The following MMEL1 variants were observed in gnomAD, a reference collection of about 807,000 sequenced individuals.
The protein encoded by MMEL1 is membrane metallo-endopeptidase-like 1.
A neutral mutation model predicts 117.1 loss-of-function variants in MMEL1; 98 were observed. That is an observed-to-expected ratio of 0.84 (90% CI 0.71 to 0.99). MMEL1 has a LOEUF of 0.99. Ranked by LOEUF, MMEL1 falls within the 50% of genes least tolerant of loss-of-function variation. The pLI is 0.00. For missense variants in MMEL1, 1,014 were observed against 1,049.1 expected, an observed-to-expected ratio of 0.97 and a Z score of 0.46; for synonymous variants, 390 against 415.1, an observed-to-expected ratio of 0.94 and a Z score of 0.74.
chr1:2,630,412 T>G (rs1408775322), intron 1 of MMEL1, among the ~76,000 whole-genome samples: 1 of 152,206 alleles, frequency 6.6e-6, no homozygotes, highest in Non-Finnish European at 1.5e-5. Flanking sequence ...GCACATGTTC[T>G]GGTGTGTGCA....
chr1:2,617,188 G>A (rs933815125), intron 2 of MMEL1, among the ~76,000 whole-genome samples: 5 of 152,080 alleles, frequency 3.3e-5, no homozygotes, highest in Admixed American at 6.5e-5. Flanking sequence ...AGCACTTTGG[G>A]AGGCCGAGGC....
Position 2,594,373 on chromosome 1 carries a change from G to A in MMEL1, c.1747+12C>T, listed in dbSNP as rs2100928419. 6.4e-7 allele frequency: 1 copy of A among 1,551,786 alleles called. No individual in the cohort carries two copies. Among genetic ancestry groups the A allele is most frequent in the Non-Finnish European group, 8.7e-7 (1 of 1,146,928 alleles). On this transcript the variant is annotated intron_variant, in intron 18 of 23. Coordinates refer to ENST00000378412, the MANE Select transcript of MMEL1 (RefSeq NM_033467.4). ...AAAGGGCCTGGGCAGGCAGGGAGGG[G>A]GAGGAACTTACCAATCTGGTTTCGG...
At chr1:2,609,581 CAG>C (rs1245793131) in intron 5 of MMEL1, 87 bp downstream of exon 5, 22 of 1,547,050 alleles carry the variant, frequency 1.4e-5, no homozygotes, top group Middle Eastern at 1.8e-4. Context: ...GAAGCACAAA[CAG>C]GGGCGAGACA....
Position 2,591,159 on chromosome 1 carries a change from G to A in MMEL1, c.2241-70C>T, listed in dbSNP as rs967412356. The A allele has an allele frequency of 2.7e-4, 312 of 1,160,560 alleles. 4 individuals are homozygous for A. Among genetic ancestry groups the A allele is most frequent in the African/African-American group, 9.3e-5 (6 of 64,658 alleles). 71.9% of individuals were successfully genotyped at this position (1,160,560 alleles called of 1,614,324 possible). A position where few individuals can be genotyped will look rare whatever the true frequency, so the allele number is the denominator to read the frequency against. On this transcript the variant is annotated intron_variant, in intron 23 of 23. Coordinates refer to ENST00000378412, the MANE Select transcript of MMEL1 (RefSeq NM_033467.4). ...CAAACATGGCCATTTTAAGTTCTCC[G>A]TGATTAAAAACCAGCCCAAAACATC...
At chr1:2,626,341 G>A (rs957380358) in intron 2 of MMEL1, among the ~76,000 whole-genome samples, 2 of 152,182 alleles carry the variant, frequency 1.3e-5, no homozygotes, top group African/African-American at 4.8e-5. Flanking sequence ...TAAACTGTAC[G>A]ATAAAGAGAG....
chr1:2,613,245 G>A (rs927440705), intron 2 of MMEL1, among the ~76,000 whole-genome samples: 2 of 152,190 alleles, frequency 1.3e-5, no homozygotes, highest in African/African-American at 4.8e-5. Flanking sequence ...GCAAGGCTGA[G>A]CTTCAGAGCA....
rs893304108 is a variant in MMEL1 at position 2,612,673 on chromosome 1, G to A, written c.155-469C>T. ...GGGTGGCTTCCCACTAATGACCCTTGTCCCTAGCCCCTCCACCCTCACTGC... is the reference window on the plus strand; with the variant it reads ...GGGTGGCTTCCCACTAATGACCCTTATCCCTAGCCCCTCCACCCTCACTGC... On this transcript the variant is annotated intron_variant, in intron 2 of 23. Transcript: ENST00000378412. This position sits in a 1 kb window ranked among gnomAD's most constrained non-coding sequence, Gnocchi z 5.4. Among the ~76,000 whole-genome samples the A allele has an allele frequency of 6.6e-5, 10 of 151,954 alleles. No individual in the cohort carries two copies. The highest frequency in any genetic ancestry group is 1.3e-4 in the Non-Finnish European group (9 of 67,978).
Position 2,595,346 on chromosome 1 carries a change from C to G in MMEL1, c.1514G>C (p.Arg505Pro), listed in dbSNP as rs778548985. The G allele has an allele frequency of 1.9e-6, 3 of 1,613,768 alleles. No homozygotes were observed. Among genetic ancestry groups the G allele is most frequent in the African/African-American group, 2.7e-5 (2 of 74,928 alleles). Reference sequence around the variant, plus strand: ...GTAGTCAGGGTGCCCGATCTGCTCCCGGATGCTCATGGCCTGAGTGGGGAG... The same window carrying G: ...GTAGTCAGGGTGCCCGATCTGCTCCGGGATGCTCATGGCCTGAGTGGGGAG... The part of the protein sequence containing the change: ...KKAQEKAMSI[R>P]EQIGHPDYIL... Residue 505 changes from arginine to proline, a missense_variant, in exon 16 of 24, where the codon CGG (arginine) becomes CCG (proline). Coordinates refer to ENST00000378412, the MANE Select transcript of MMEL1 (RefSeq NM_033467.4). The surrounding 1 kb of genome is among the most constrained non-coding windows in gnomAD (Gnocchi z 4.8).
At chr1:2,629,214 C>G in intron 2 of MMEL1, 117 bp downstream of exon 2, 1 of 1,187,788 alleles carries the variant, frequency 8.4e-7, no homozygotes, top group African/African-American at 1.6e-5. Context: ...GCAGACCCAC[C>G]TGCCCCATCT....
At chr1:2,611,397 G>A (rs771709919) in intron 3 of MMEL1, 57 bp from the exon 4 acceptor site, 237 of 1,388,380 alleles carry the variant, frequency 1.7e-4, no homozygotes, top group Non-Finnish European at 2.1e-4. Context: ...GGGCAGGACT[G>A]GAGTGGGTGT....
At chr1:2,608,837 TACACA>T (rs1421975711) in intron 6 of MMEL1, among the ~76,000 whole-genome samples, 6 of 152,020 alleles carry the variant, frequency 3.9e-5, no homozygotes, top group African/African-American at 7.3e-5. Context: ...CATACATGCA[TACACA>T]ACACATGTAC....
rs568387850 is a variant in MMEL1, at chr1:2,611,372, G to A, written c.233-32C>T. On this transcript the variant is annotated intron_variant, in intron 3 of 23. Coordinates refer to ENST00000378412, the MANE Select transcript of MMEL1 (RefSeq NM_033467.4). ...GCAAGGAGCAGCCTGAGCACCGGGA[G>A]CCACGGAGAGGGTGGGGCAGGACTG... The A allele has an allele frequency of 3.5e-6, 5 of 1,427,860 alleles. No homozygotes were observed. In the East Asian group the frequency reaches 1.2e-4, roughly 35 times the overall value. The allele number at this position is 1,427,860 out of a possible 1,614,324, so 88.4% of individuals were successfully genotyped here. A position where few individuals can be genotyped will look rare whatever the true frequency, so the allele number is the denominator to read the frequency against.
chr1:2,591,124 C>A (rs769787364), intron 23 of MMEL1, 35 bp from the exon 24 acceptor site: 5 of 1,443,526 alleles, frequency 3.5e-6, no homozygotes, highest in Non-Finnish European at 4.7e-6. Flanking sequence ...AGGAGCATTG[C>A]CATCTTGGAC....
At position 2,603,885 on chromosome 1, in the gene MMEL1, T is replaced by C; in HGVS notation, c.1040A>G (p.Lys347Arg). 3 of 1,613,300 alleles carry C rather than the reference T, an allele frequency of 1.9e-6. No homozygotes were observed. Among genetic ancestry groups the C allele is most frequent in the Non-Finnish European group, 2.5e-6 (3 of 1,179,710 alleles). The stretch of plus-strand genomic sequence containing the variant: ...GCCTCCTGTGTGGTGTGGCCTCACC[T>C]TCAGGCCAAACTGGCTTTGCAGCTC... Reference protein sequence around the residue: ...LEELQSQFGLKGFNWTLFIQT... With the variant: ...LEELQSQFGLRGFNWTLFIQT... Residue 347 changes from lysine to arginine, a missense_variant and splice_region_variant, in exon 11 of 24, where the codon AAG becomes AGG. Coordinates refer to ENST00000378412, the MANE Select transcript of MMEL1 (RefSeq NM_033467.4).
chr1:2,630,878 G>C (rs1247055612), intron 1 of MMEL1, among the ~76,000 whole-genome samples: 1 of 148,372 alleles, frequency 6.7e-6, no homozygotes, highest in African/African-American at 2.5e-5. Context: ...GTGTGCATGT[G>C]TGTGACTGTG....
At chr1:2,621,389 C>T (rs1645286720) in intron 2 of MMEL1, among the ~76,000 whole-genome samples, 3 of 152,206 alleles carry the variant, frequency 2.0e-5, no homozygotes, top group Admixed American at 6.5e-5. Flanking sequence ...GGAGGCTTCA[C>T]CTATATAATA....
At chr1:2,613,360 C>A (rs1199028809) in intron 2 of MMEL1, among the ~76,000 whole-genome samples, 1 of 152,168 alleles carries the variant, frequency 6.6e-6, no homozygotes, top group Non-Finnish European at 1.5e-5. Context: ...GCCTATGGAC[C>A]AGAGACTGGA....
chr1:2,612,145 C>T lies in MMEL1; in HGVS notation c.214G>A (p.Val72Ile), dbSNP rs752696433. The change falls in exon 3 of 24, where the codon GTA (valine) becomes ATA (isoleucine). Residue 72 changes from valine to isoleucine, a missense_variant. Transcript: ENST00000378412. The surrounding 1 kb of genome is among the most constrained non-coding windows in gnomAD (Gnocchi z 5.4). ...AGGCTACCTCGGGGTTTTCGTTTTACAAAGGTCCTCTCCTCCTGTAAGAAG... is the reference window on the plus strand; with the variant it reads ...AGGCTACCTCGGGGTTTTCGTTTTATAAAGGTCCTCTCCTCCTGTAAGAAG... Reference protein sequence around the residue: ...LCFLQEERTFVKRKPRGIPEA... With the variant: ...LCFLQEERTFIKRKPRGIPEA... The T allele has an allele frequency of 1.9e-6, 3 of 1,581,082 alleles. No homozygotes were observed. The highest frequency in any genetic ancestry group is 2.3e-5 in the East Asian group (1 of 43,396).
intron 2 of MMEL1, among the ~76,000 whole-genome samples, chr1:2,614,817 A>T (rs1305075432): frequency 2.6e-5 from 4 of 151,540 alleles, no homozygotes; most frequent in Non-Finnish European, 5.9e-5. Flanking sequence ...CTCCTTAGAA[A>T]AATGGTTGAT....
Sources: gnomAD v4.1 joint callset for allele counts (sites outside exome capture counted in the v4.1 genomes callset) on GRCh38, gnomAD v4.1.1 for gene constraint, Gnocchi (gnomAD v3.1) non-coding constraint, MANE v1.5 for transcripts, NCBI Gene and HGNC (gene_info 2026-07-23, HGNC 2026-07-21) for gene names.